The following RIMS2 variants were observed in gnomAD, a reference collection of about 807,000 sequenced individuals.
The protein encoded by RIMS2 is regulating synaptic membrane exocytosis 2.
Under a neutral mutation model 174.4 loss-of-function variants are expected in RIMS2, and 59 were observed. The observed-to-expected ratio is 0.34, with a 90% CI of 0.27 to 0.42. The LOEUF (loss-of-function observed/expected upper bound fraction) is 0.42. RIMS2 is among the 10% of genes least tolerant of loss of function. The pLI is 1.00. For missense variants in RIMS2, 1,620 were observed against 1,666.3 expected (o/e 0.97, Z 0.48); for synonymous variants, 606 against 572.5 (o/e 1.06, Z -0.84).
intron 19 of RIMS2, among the ~76,000 whole-genome samples, chr8:104,029,712 A>G (rs1597393194): frequency 1.3e-5 from 2 of 152,266 alleles, no homozygotes; most frequent in Non-Finnish European, 1.5e-5. Context: ...TGTGTACTCA[A>G]TCTTGCTTCA....
chr8:103,690,649 T>G (rs1249642405), intron 1 of RIMS2, among the ~76,000 whole-genome samples: 2 of 152,244 alleles, frequency 1.3e-5, no homozygotes, highest in Non-Finnish European at 2.9e-5. Context: ...TATATCTTAC[T>G]GTAGTGTCTA....
chr8:103,629,123 C>T (rs902232050), intron 1 of RIMS2, among the ~76,000 whole-genome samples: 8 of 152,166 alleles, frequency 5.3e-5, no homozygotes, highest in African/African-American at 1.9e-4. Context: ...TACCCCTTTG[C>T]CCCTACCCTG....
chr8:103,918,911 T>C (rs2077100449), intron 9 of RIMS2, among the ~76,000 whole-genome samples: 1 of 152,032 alleles, frequency 6.6e-6, no homozygotes, highest in African/African-American at 2.4e-5. Context: ...CCTCATTAAG[T>C]GGGGGGAAAT....
At chr8:104,092,511 G>A (rs1203079058) in intron 19 of RIMS2, among the ~76,000 whole-genome samples, 3 of 151,818 alleles carry the variant, frequency 2.0e-5, no homozygotes, top group African/African-American at 7.2e-5. Context: ...TTGTAATAAT[G>A]CAGTAATAAT....
chr8:103,800,489 A>G (rs1049184767), intron 3 of RIMS2, among the ~76,000 whole-genome samples: 1 of 152,132 alleles, frequency 6.6e-6, no homozygotes, highest in Non-Finnish European at 1.5e-5. Flanking sequence ...CCTTTATTAG[A>G]CTGAGAAAAT....
rs990272459 is a variant in RIMS2, at chr8:103,573,971, A to G, written c.176+72909A>G. On this transcript the variant is annotated intron_variant, in intron 1 of 23. Transcript: ENST00000504942. ...GGTATGGGCAAAAACAAAGGTTTTT[A>G]GATAACTATTATTTTCACTGGCATG... Among the ~76,000 whole-genome samples, 4 of 152,130 alleles carry G rather than the reference A, an allele frequency of 2.6e-5. No homozygotes were observed. In the South Asian group the frequency reaches 8.3e-4, roughly 31 times the overall value.
chr8:104,002,504 C>CT (rs904420063), intron 17 of RIMS2, among the ~76,000 whole-genome samples: 94 of 152,008 alleles, frequency 6.2e-4, no homozygotes, highest in African/African-American at 4.8e-5. Context: ...TAAAAAGTAA[C>CT]TTTTTTATTG....
At chr8:103,870,456 G>T (rs1316683349) in intron 3 of RIMS2, among the ~76,000 whole-genome samples, 1 of 151,440 alleles carries the variant, frequency 6.6e-6, no homozygotes, top group Non-Finnish European at 1.5e-5. Flanking sequence ...CACATTAATG[G>T]CATAATGTCT....
At chr8:104,040,674 G>A (rs961395385) in intron 19 of RIMS2, among the ~76,000 whole-genome samples, 1 of 151,658 alleles carries the variant, frequency 6.6e-6, no homozygotes, top group African/African-American at 2.4e-5. Context: ...GATTTTTAAT[G>A]CTGAAATGAA....
chr8:104,195,750 C>G (rs968127061), intron 19 of RIMS2, among the ~76,000 whole-genome samples: 6 of 152,036 alleles, frequency 3.9e-5, no homozygotes, highest in African/African-American at 1.4e-4. Context: ...CTGGCTCAGG[C>G]AGTCTGCCCA....
chr8:104,097,926 GA>G (rs927396693), intron 19 of RIMS2, among the ~76,000 whole-genome samples: 1 of 151,060 alleles, frequency 6.6e-6, no homozygotes, highest in African/African-American at 2.4e-5. Flanking sequence ...TAATATGAAG[GA>G]AAAAAAAATT....
chr8:104,124,498 T>C (rs569956051), intron 19 of RIMS2, among the ~76,000 whole-genome samples: 1 of 152,248 alleles, frequency 6.6e-6, no homozygotes, highest in Admixed American at 6.6e-5. Flanking sequence ...TTTTTGTCAC[T>C]TGCAATAGAA....
intron 1 of RIMS2, among the ~76,000 whole-genome samples, chr8:103,617,364 G>A (rs1175929528): frequency 6.6e-6 from 1 of 152,146 alleles, no homozygotes; most frequent in African/African-American, 2.4e-5. Flanking sequence ...TTCAACTGAA[G>A]ATGGATTAAA....
At chr8:103,775,126 A>G (rs916070278) in intron 3 of RIMS2, among the ~76,000 whole-genome samples, 1 of 152,094 alleles carries the variant, frequency 6.6e-6, no homozygotes, top group African/African-American at 2.4e-5. Flanking sequence ...AATCAATGGT[A>G]TTTAGAATTT....
chr8:103,761,656 A>G (rs1361145343), intron 2 of RIMS2, among the ~76,000 whole-genome samples: 1 of 152,244 alleles, frequency 6.6e-6, no homozygotes, highest in African/African-American at 2.4e-5. Flanking sequence ...AACATGGAAA[A>G]TGTAGTTTTC....
chr8:104,193,899 T>C (rs2099010684), intron 19 of RIMS2, among the ~76,000 whole-genome samples: 1 of 152,210 alleles, frequency 6.6e-6, no homozygotes, highest in African/African-American at 2.4e-5. Context: ...AATCGAGACA[T>C]TATAAAATCT....
At chr8:103,630,119 A>G (rs1046102359) in intron 1 of RIMS2, among the ~76,000 whole-genome samples, 3 of 150,782 alleles carry the variant, frequency 2.0e-5, no homozygotes, top group African/African-American at 7.3e-5. Context: ...GAGACACATC[A>G]TAATCAAATT....
intron 19 of RIMS2, among the ~76,000 whole-genome samples, chr8:104,135,878 CTAAT>C (rs2098515476): frequency 6.6e-6 from 1 of 152,038 alleles, no homozygotes; most frequent in South Asian, 2.1e-4. Context: ...ATAGAGATAA[CTAAT>C]TAATTGAGCT....
At chr8:103,974,810 A>AGGCT (rs1183405766) in intron 15 of RIMS2, among the ~76,000 whole-genome samples, 2 of 152,176 alleles carry the variant, frequency 1.3e-5, no homozygotes, top group Non-Finnish European at 2.9e-5. Context: ...GGGTCATTTG[A>AGGCT]GGCTAGTCTA....
Sources: gnomAD v4.1 joint callset for allele counts (sites outside exome capture counted in the v4.1 genomes callset) on GRCh38, gnomAD v4.1.1 for gene constraint, MANE v1.5 for transcripts, NCBI Gene and HGNC (gene_info 2026-07-23, HGNC 2026-07-21) for gene names.